The following PTPRM variants were observed in gnomAD, a reference collection of about 807,000 sequenced individuals.
PTPRM encodes protein tyrosine phosphatase receptor type M.
A neutral mutation model predicts 186.7 loss-of-function variants in PTPRM; 47 were observed. That is an observed-to-expected ratio of 0.25 (90% CI 0.20 to 0.32). The LOEUF (loss-of-function observed/expected upper bound fraction) is 0.32, where lower values mean the gene tolerates loss of function less well. Ranked by LOEUF, PTPRM falls within the 10% of genes least tolerant of loss-of-function variation. The probability of loss-of-function intolerance (pLI) is 1.00; values close to 1 mark genes in which losing one functional copy is unlikely to be tolerated. For missense variants in PTPRM, 1,494 were observed against 1,865.0 expected (o/e 0.80, Z 3.66); for synonymous variants, 668 against 674.9 (o/e 0.99, Z 0.16).
intron 23 of PTPRM, among the ~76,000 whole-genome samples, chr18:8,349,416 T>G (rs904120076): frequency 3.8e-4 from 58 of 152,334 alleles, no homozygotes; most frequent in Non-Finnish European, 4.9e-4. Context: ...CTTTCATAGG[T>G]CCTTTTTCAT....
chr18:8,065,094 A>G (rs898457016), intron 7 of PTPRM, among the ~76,000 whole-genome samples: 7 of 152,180 alleles, frequency 4.6e-5, no homozygotes, highest in African/African-American at 1.7e-4. Context: ...TATCAATGAC[A>G]TGATCCTAAA....
chr18:7,879,458 G>T (rs1001972357), intron 2 of PTPRM, among the ~76,000 whole-genome samples: 24 of 152,108 alleles, frequency 1.6e-4, no homozygotes, highest in African/African-American at 5.6e-4. Context: ...GCAGGAATAG[G>T]TCCAAGTTTG....
At chr18:8,248,239 C>T in intron 17 of PTPRM, 63 bp downstream of exon 17, 1 of 1,391,826 alleles carries the variant, frequency 7.2e-7, no homozygotes, top group Non-Finnish European at 1.0e-6. Context: ...AGTGACCACT[C>T]TGTAGGAGAT....
chr18:8,378,273 T>C lies in PTPRM; in HGVS notation c.3471T>C (p.Tyr1157=). The C allele has an allele frequency of 6.2e-7, 1 of 1,610,844 alleles. No homozygotes were observed. Among genetic ancestry groups the C allele is most frequent in the African/African-American group, 1.3e-5 (1 of 74,956 alleles). The change falls in exon 27 of 33, where the codon TAT becomes TAC. Residue 1157 remains tyrosine, a synonymous_variant. Transcript: ENST00000580170. ...TCCATCTCCTTCTCCAGGAGCAGTA[T>C]GTGTTTATCCACGATGCGATCCTGG... ...RVNMVQTEEQ[Y]VFIHDAILEA...
intron 2 of PTPRM, among the ~76,000 whole-genome samples, chr18:7,822,883 C>T (rs2045275811): frequency 6.6e-6 from 1 of 152,122 alleles, no homozygotes; most frequent in African/African-American, 2.4e-5. Context: ...TTTCCTGCCG[C>T]AGCTGTGTGC....
chr18:8,092,733 G>A (rs570981752), intron 11 of PTPRM, among the ~76,000 whole-genome samples: 7 of 152,280 alleles, frequency 4.6e-5, no homozygotes, highest in Non-Finnish European at 1.0e-4. Context: ...GGGAGGCAAA[G>A]GTGGAAGGAT....
intron 14 of PTPRM, among the ~76,000 whole-genome samples, chr18:8,170,153 G>A (rs2093377094): frequency 6.6e-6 from 1 of 152,156 alleles, no homozygotes; most frequent in African/African-American, 2.4e-5. Context: ...ACAGAGTGAT[G>A]TCAGCTATGC....
At chr18:8,164,568 A>G (rs561063743) in intron 14 of PTPRM, among the ~76,000 whole-genome samples, 1 of 152,358 alleles carries the variant, frequency 6.6e-6, no homozygotes, top group East Asian at 1.9e-4. Context: ...AGCCTTGAGG[A>G]CATCATGCTA....
At position 7,982,815 on chromosome 18, in the gene PTPRM, T is replaced by A. The variant is rs560708579; in HGVS notation, c.1132+27401T>A. On this transcript the variant is annotated intron_variant, in intron 7 of 32. Coordinates refer to ENST00000580170, the MANE Select transcript of PTPRM (RefSeq NM_001105244.2). Reference sequence around the variant, plus strand: ...ATACTCCTATGGGATGACAGTGATATATGTGGTTCGTTGTTGATGGAAATG... The same window carrying A: ...ATACTCCTATGGGATGACAGTGATAAATGTGGTTCGTTGTTGATGGAAATG... 6.6e-5 allele frequency among the ~76,000 whole-genome samples: 10 copies of A among 152,122 alleles called. No individual in the cohort carries two copies. The East Asian group carries it at 1.8e-3, about 27-fold the overall frequency.
intron 3 of PTPRM, among the ~76,000 whole-genome samples, chr18:7,898,346 A>G (rs2049478417): frequency 6.6e-6 from 1 of 152,216 alleles, no homozygotes; most frequent in East Asian, 1.9e-4. Context: ...CTTGGTGAGT[A>G]TCTGTGTTGG....
chr18:8,274,094 T>A (rs1445436687), intron 19 of PTPRM, among the ~76,000 whole-genome samples: 1 of 152,212 alleles, frequency 6.6e-6, no homozygotes, highest in Non-Finnish European at 1.5e-5. Flanking sequence ...CCAGTGTTGC[T>A]CACTGTCATG....
chr18:7,853,402 G>A (rs901591175), intron 2 of PTPRM, among the ~76,000 whole-genome samples: 2 of 152,212 alleles, frequency 1.3e-5, no homozygotes, highest in Non-Finnish European at 2.9e-5. Context: ...TCCCTTGGGA[G>A]CTTCAGGTAA....
At chr18:8,073,996 A>G (rs1232018516) in intron 8 of PTPRM, among the ~76,000 whole-genome samples, 2 of 152,186 alleles carry the variant, frequency 1.3e-5, no homozygotes, top group Admixed American at 6.5e-5. Flanking sequence ...AAATTGCACA[A>G]TTTAATCATT....
chr18:8,141,294 C>G (rs2092761017), intron 13 of PTPRM, among the ~76,000 whole-genome samples: 1 of 152,220 alleles, frequency 6.6e-6, no homozygotes, highest in African/African-American at 2.4e-5. Flanking sequence ...AGGCAGCCCT[C>G]CCACCTTTTC....
intron 1 of PTPRM, among the ~76,000 whole-genome samples, chr18:7,589,082 C>T (rs1286787333): frequency 6.6e-6 from 1 of 152,088 alleles, no homozygotes; most frequent in Non-Finnish European, 1.5e-5. Context: ...TCCTGGACTC[C>T]AGTGATCTTC....
At chr18:7,882,319 T>TA (rs1175501032) in intron 2 of PTPRM, among the ~76,000 whole-genome samples, 4 of 151,838 alleles carry the variant, frequency 2.6e-5, no homozygotes, top group South Asian at 2.1e-4. Flanking sequence ...CTTTTTTTTT[T>TA]AAAAAAACAA....
At chr18:7,853,107 G>A (rs17473649) in intron 2 of PTPRM, among the ~76,000 whole-genome samples, 11,693 of 152,242 alleles carry the variant, frequency 0.077, 640 homozygotes, top group Admixed American at 0.12. Flanking sequence ...ATATTTTAGT[G>A]GTTTGACTTC....
intron 19 of PTPRM, among the ~76,000 whole-genome samples, chr18:8,275,421 G>C (rs747569126): frequency 1.5e-4 from 23 of 152,106 alleles, no homozygotes; most frequent in Non-Finnish European, 2.9e-4. Flanking sequence ...TCCAGCCTGG[G>C]CAATAGAGTA....
chr18:8,112,399 G>C (rs1251989963), intron 11 of PTPRM, among the ~76,000 whole-genome samples: 1 of 152,150 alleles, frequency 6.6e-6, no homozygotes, highest in Non-Finnish European at 1.5e-5. Context: ...CCATGGGTGG[G>C]GATAGCAGGC....
Sources: gnomAD v4.1 joint callset for allele counts (sites outside exome capture counted in the v4.1 genomes callset) on GRCh38, gnomAD v4.1.1 for gene constraint, MANE v1.5 for transcripts, NCBI Gene and HGNC (gene_info 2026-07-23, HGNC 2026-07-21) for gene names.